Variants in EPB41L5 observed in about 807,000 individuals in gnomAD.
The protein encoded by EPB41L5 is erythrocyte membrane protein band 4.1 like 5.
Under a neutral mutation model 106.6 loss-of-function variants are expected in EPB41L5, and 55 were observed. The observed-to-expected ratio is 0.52, with a 90% confidence interval of 0.42 to 0.65. EPB41L5 has a LOEUF of 0.65. Among genes scored for constraint, EPB41L5 ranks in the 30% least tolerant of loss-of-function variants. The pLI is 0.00. For synonymous variants in EPB41L5, 297 were observed against 306.7 expected (o/e 0.97, Z 0.33); for missense variants, 871 against 882.1 (o/e 0.99, Z 0.16).
chr2:120,118,040 G>A (rs993711604), intron 16 of EPB41L5, among the ~76,000 whole-genome samples: 1 of 152,098 alleles, frequency 6.6e-6, no homozygotes, highest in East Asian at 1.9e-4. Context: ...AGATTGATCC[G>A]TTTTTTCTTT....
chr2:120,094,493 A>G (rs1420021054), intron 14 of EPB41L5, among the ~76,000 whole-genome samples: 1 of 150,424 alleles, frequency 6.6e-6, no homozygotes, highest in Admixed American at 6.6e-5. Flanking sequence ...AAAAAAAAAA[A>G]CTAGTCTAGC....
intron 2 of EPB41L5, 90 bp from the exon 3 acceptor site, chr2:120,041,916 A>C: frequency 5.7e-6 from 5 of 874,462 alleles, no homozygotes; most frequent in Non-Finnish European, 8.9e-6. Flanking sequence ...CCTTTCTTCA[A>C]GAGATCTTGT....
In EPB41L5 at chr2:120,041,153, A is replaced by T. The variant is rs1202978770; in HGVS notation, c.181-853A>T. Reference sequence around the variant, plus strand: ...TAACGTAATATAAAACATATTATAAAAATAACTATTTTCTAAAACAACAAA... The same window carrying T: ...TAACGTAATATAAAACATATTATAATAATAACTATTTTCTAAAACAACAAA... On this transcript the variant is annotated intron_variant, in intron 2 of 24. Transcript: ENST00000263713. 3.9e-5 allele frequency among the ~76,000 whole-genome samples: 6 copies of T among 152,184 alleles called. No homozygotes were observed. The South Asian group carries it at 1.2e-3, about 32-fold the overall frequency.
intron 3 of EPB41L5, among the ~76,000 whole-genome samples, chr2:120,060,394 A>G (rs1462100866): frequency 2.0e-5 from 3 of 152,244 alleles, no homozygotes; most frequent in African/African-American, 4.8e-5. Flanking sequence ...ATGATTAAAC[A>G]GTGGCACAAT....
At chr2:120,014,393 C>G (rs935181748) in intron 1 of EPB41L5, among the ~76,000 whole-genome samples, 6 of 152,176 alleles carry the variant, frequency 3.9e-5, no homozygotes, top group African/African-American at 1.4e-4. Flanking sequence ...TCTAGTGTGT[C>G]AGGCGAGATG....
At chr2:120,120,161 G>C (rs1292827392) in intron 16 of EPB41L5, among the ~76,000 whole-genome samples, 1 of 152,142 alleles carries the variant, frequency 6.6e-6, no homozygotes, top group East Asian at 1.9e-4. Flanking sequence ...GGGCCCAGTG[G>C]CTCACACCTG....
rs1056409558 is a variant in EPB41L5 at position 120,128,476 on chromosome 2, G to T, written c.1501+625G>T. Reference sequence around the variant, plus strand: ...GCTCTTGACCATTTGATTTCTATTGGAGGCTAAAATTAGCCACCATCATTA... The same window carrying T: ...GCTCTTGACCATTTGATTTCTATTGTAGGCTAAAATTAGCCACCATCATTA... On this transcript the variant is annotated intron_variant, in intron 17 of 24. Transcript: ENST00000263713. Among the ~76,000 whole-genome samples the T allele has an allele frequency of 2.6e-5, 4 of 152,038 alleles. No individual in the cohort carries two copies. The South Asian group carries it at 8.3e-4, about 31-fold the overall frequency.
chr2:120,163,939 A>G (rs1484838112), intron 21 of EPB41L5, among the ~76,000 whole-genome samples: 1 of 145,916 alleles, frequency 6.9e-6, no homozygotes, highest in Non-Finnish European at 1.5e-5. Context: ...ACAGGGCAAG[A>G]TCTTGTCTCA....
At chr2:120,046,065 G>GA (rs36152703) in intron 3 of EPB41L5, among the ~76,000 whole-genome samples, 105,414 of 151,974 alleles carry the variant, frequency 0.69, 37,928 homozygotes, top group Non-Finnish European at 0.79. Context: ...CATTGATGGG[G>GA]TTTGGGTTGG....
chr2:120,091,899 G>A (rs1252786216), intron 13 of EPB41L5, among the ~76,000 whole-genome samples: 3 of 152,150 alleles, frequency 2.0e-5, no homozygotes, highest in Admixed American at 6.5e-5. Context: ...GTTATGTTCA[G>A]TTTTTGTATA....
intron 3 of EPB41L5, among the ~76,000 whole-genome samples, chr2:120,071,087 C>T (rs1408533920): frequency 6.6e-6 from 1 of 152,136 alleles, no homozygotes; most frequent in African/African-American, 2.4e-5. Flanking sequence ...ATTTAGAAAA[C>T]CCCATCATCT....
In EPB41L5 at chr2:120,091,512, T is replaced by C. The variant is rs763213088; in HGVS notation, c.1044-43T>C. 14 of 1,399,046 alleles carry C rather than the reference T, an allele frequency of 1.0e-5. No homozygotes were observed. The East Asian group carries it at 3.2e-4, about 32-fold the overall frequency. The allele number at this position is 1,399,046 out of a possible 1,614,324, so 86.7% of individuals were successfully genotyped here. A position where few individuals can be genotyped will look rare whatever the true frequency, so the allele number is the denominator to read the frequency against. Reference sequence around the variant, plus strand: ...TGTCTTATTTGTGTGTGTTTATTACTGTAGACCTAAAATTTCCCTTACTTC... The same window carrying C: ...TGTCTTATTTGTGTGTGTTTATTACCGTAGACCTAAAATTTCCCTTACTTC... On this transcript the variant is annotated intron_variant, in intron 12 of 24. Transcript: ENST00000263713.
At chr2:120,153,875 A>G (rs1368811237) in intron 20 of EPB41L5, among the ~76,000 whole-genome samples, 1 of 152,184 alleles carries the variant, frequency 6.6e-6, no homozygotes, top group Admixed American at 6.5e-5. Context: ...GTTTCAATCT[A>G]TTCACATCTT....
chr2:120,031,884 C>T (rs1476565518), intron 2 of EPB41L5, among the ~76,000 whole-genome samples: 1 of 152,068 alleles, frequency 6.6e-6, no homozygotes, highest in East Asian at 1.9e-4. Context: ...ATCTGTTATC[C>T]CAGCACCTTG....
At chr2:120,119,505 T>TTTTG (rs1685110277) in intron 16 of EPB41L5, among the ~76,000 whole-genome samples, 4 of 152,170 alleles carry the variant, frequency 2.6e-5, no homozygotes, top group Non-Finnish European at 5.9e-5. Flanking sequence ...ATTTGAGTCT[T>TTTTG]TAATCCATCT....
chr2:120,083,614 T>C (rs1464141598), intron 10 of EPB41L5, among the ~76,000 whole-genome samples: 4 of 152,344 alleles, frequency 2.6e-5, no homozygotes, highest in African/African-American at 4.8e-5. Flanking sequence ...AGATGTCTTA[T>C]TAGTTCCGCT....
intron 18 of EPB41L5, among the ~76,000 whole-genome samples, chr2:120,139,335 T>G (rs779204096): frequency 6.4e-4 from 97 of 151,834 alleles, no homozygotes; most frequent in Non-Finnish European, 1.1e-3. Context: ...TGAGATCACA[T>G]CAAGTTAAAA....
intron 10 of EPB41L5, among the ~76,000 whole-genome samples, chr2:120,085,666 T>G (rs1343986045): frequency 6.6e-6 from 1 of 152,290 alleles, no homozygotes; most frequent in South Asian, 2.1e-4. Context: ...CTGGGTGTTC[T>G]TGCTAGGGAC....
At position 120,163,980 on chromosome 2, in the gene EPB41L5, C is replaced by CTTTTTTTTTTTT. The variant is rs70949387; in HGVS notation, c.1888-847_1888-836dup. Among the ~76,000 whole-genome samples, 141 of 68,144 alleles carry CTTTTTTTTTTTT rather than the reference C, an allele frequency of 2.1e-3. 24 individuals carry two copies. The highest frequency in any genetic ancestry group is 2.7e-3 in the Non-Finnish European group (99 of 36,840). The allele number at this position is 68,144 out of a possible 152,430, so 44.7% of individuals were successfully genotyped here. A position where few individuals can be genotyped will look rare whatever the true frequency, so the allele number is the denominator to read the frequency against. On this transcript the variant is annotated intron_variant, in intron 21 of 24. Transcript: ENST00000263713. Reference sequence around the variant, plus strand: ...ACTTTTTTTTATTTTTTTGTATTTACTTTTTTTTTTTTTTTTTTTTGAGAT... The same window carrying CTTTTTTTTTTTT: ...ACTTTTTTTTATTTTTTTGTATTTACTTTTTTTTTTTTTTTTTTTTTTTTTTTTTTTTGAGAT...
Sources: allele counts gnomAD v4.1 joint callset (sites outside exome capture counted in the v4.1 genomes callset), GRCh38; gene constraint gnomAD v4.1.1; transcripts MANE v1.5; gene names NCBI Gene and HGNC (gene_info 2026-07-23, HGNC 2026-07-21).